The following OVCH1 variants were observed in gnomAD, a reference collection of about 807,000 sequenced individuals.
OVCH1 encodes the protein ovochymase-1.
Under a neutral mutation model 138.4 loss-of-function variants are expected in OVCH1, and 139 were observed. The ratio of observed to expected loss-of-function variants is 1.00; its 90% CI spans 0.87 to 1.16. The LOEUF (loss-of-function observed/expected upper bound fraction) is 1.16, where lower values mean the gene tolerates loss of function less well. Among genes scored for constraint, OVCH1 ranks in the 50% most tolerant of loss-of-function variants. The pLI, the probability that OVCH1 is intolerant of heterozygous loss-of-function variation, is 0.00. For synonymous variants in OVCH1, 453 were observed against 467.8 expected (o/e 0.97, Z 0.41); for missense variants, 1,367 against 1,357.9 (o/e 1.01, Z -0.11).
chr12:29,494,395 C>T (rs533748771), intron 4 of OVCH1, among the ~76,000 whole-genome samples: 2 of 152,148 alleles, frequency 1.3e-5, no homozygotes, highest in African/African-American at 4.8e-5. Flanking sequence ...TTTATATTAC[C>T]TGTGTTGAGA....
At chr12:29,478,170 G>A (rs950947148) in intron 9 of OVCH1, among the ~76,000 whole-genome samples, 4 of 152,148 alleles carry the variant, frequency 2.6e-5, no homozygotes, top group Non-Finnish European at 4.4e-5. Context: ...TATTGGTTAT[G>A]TTTATGTAGC....
At position 29,482,507 on chromosome 12, in the gene OVCH1, T is replaced by G. The variant is rs190954327; in HGVS notation, c.996-3599A>C. Among the ~76,000 whole-genome samples, 30 of 152,332 alleles carry G rather than the reference T, an allele frequency of 2.0e-4. No homozygotes were observed. In the East Asian group the frequency reaches 5.6e-3, roughly 28 times the overall value. On this transcript the variant is annotated intron_variant, in intron 8 of 27. Transcript: ENST00000318184. ...TTTAAAAATTATCCCATTTCCACCT[T>G]CTAACTTGCCCCACAAAGGCAAACA...
chr12:29,455,396 C>T, exon 20 of OVCH1: 6 of 1,603,600 alleles, frequency 3.7e-6, no homozygotes, highest in Non-Finnish European at 5.1e-6. Context: ...AGTGGCCCAC[C>T]AGAGTCTCCC....
downstream of OVCH1, among the ~76,000 whole-genome samples, chr12:29,411,789 C>G (rs543866503): frequency 5.3e-5 from 3 of 56,480 alleles, no homozygotes; most frequent in South Asian, 1.6e-3. Context: ...TCTGCCTGTT[C>G]TCAGATATCC....
downstream of OVCH1, among the ~76,000 whole-genome samples, chr12:29,424,123 A>G (rs1457498219): frequency 1.3e-5 from 2 of 152,232 alleles, no homozygotes; most frequent in African/African-American, 4.8e-5. Flanking sequence ...GTATTTATTA[A>G]CAGCAAGCCA....
At chr12:29,434,075 A>G (rs1179724794) in intron 26 of OVCH1, among the ~76,000 whole-genome samples, 1 of 152,190 alleles carries the variant, frequency 6.6e-6, no homozygotes, top group African/African-American at 2.4e-5. Flanking sequence ...TCATAATGCT[A>G]TTAGTGCCTT....
chr12:29,472,579 A>G (rs1053903542), intron 15 of OVCH1, among the ~76,000 whole-genome samples: 1 of 152,226 alleles, frequency 6.6e-6, no homozygotes, highest in Non-Finnish European at 1.5e-5. Flanking sequence ...CTCCTTGTGC[A>G]ACTTTCTATT....
Position 29,497,507 on chromosome 12 carries a change from A to T in OVCH1, c.64+116T>A, listed in dbSNP as rs1943451587. 2.5e-6 allele frequency: 3 copies of T among 1,186,920 alleles called. No individual in the cohort carries two copies. In the South Asian group the frequency reaches 4.6e-5, roughly 18 times the overall value. 73.5% of individuals were successfully genotyped at this position (1,186,920 alleles called of 1,614,324 possible). A position where few individuals can be genotyped will look rare whatever the true frequency, so the allele number is the denominator to read the frequency against. On this transcript the variant is annotated intron_variant, in intron 1 of 27. Transcript: ENST00000318184. ...CCACCCCCTCACCCTTTCTTCCCAA[A>T]TGCCTCAGGTGTGGCTATACCACCC...
intron 17 of OVCH1, 31 bp downstream of exon 17, chr12:29,465,116 G>A: frequency 1.3e-6 from 2 of 1,549,420 alleles, no homozygotes; most frequent in Admixed American, 1.9e-5. Context: ...TTAGATTACA[G>A]GCAGAATGAC....
At chr12:29,487,374 G>A (rs1009812528) in intron 7 of OVCH1, 8 of 213,424 alleles carry the variant, frequency 3.7e-5, no homozygotes, top group African/African-American at 1.6e-4. Context: ...GTATTCTTAA[G>A]TAGTACAGAG....
At chr12:29,481,420 T>A in intron 8 of OVCH1, among the ~76,000 whole-genome samples, 1 of 152,260 alleles carries the variant, frequency 6.6e-6, no homozygotes, top group Non-Finnish European at 1.5e-5. Flanking sequence ...CTTATTAATC[T>A]CTGGTTGACT....
chr12:29,431,497 C>T (rs574707401), intron 27 of OVCH1, among the ~76,000 whole-genome samples: 1 of 152,218 alleles, frequency 6.6e-6, no homozygotes, highest in East Asian at 1.9e-4. Context: ...TAATGTAAAT[C>T]TTGCAAAGTC....
intron 8 of OVCH1, among the ~76,000 whole-genome samples, 186 bp downstream of exon 9, chr12:29,484,527 C>T (rs1029978503): frequency 6.6e-6 from 1 of 152,062 alleles, no homozygotes; most frequent in African/African-American, 2.4e-5. Flanking sequence ...TGGTGGCATG[C>T]CCGTGTAATC....
downstream of OVCH1, among the ~76,000 whole-genome samples, chr12:29,424,685 C>T (rs1406640623): frequency 1.3e-5 from 2 of 152,118 alleles, no homozygotes; most frequent in African/African-American, 4.8e-5. Flanking sequence ...CTCTCTGTGC[C>T]TCGATAATCT....
At chr12:29,433,874 G>T in intron 26 of OVCH1, 5 of 1,252,378 alleles carry the variant, frequency 4.0e-6, no homozygotes, top group Non-Finnish European at 5.2e-6. Flanking sequence ...CAATTAACAT[G>T]TCCAAAAAAA....
intron 12 of OVCH1, 62 bp from the exon 13 acceptor site, chr12:29,476,361 GT>G: frequency 7.5e-7 from 1 of 1,327,922 alleles, no homozygotes; most frequent in South Asian, 1.2e-5. Context: ...AGCTTAAAGG[GT>G]TTTCCTCTGT....
intron 27 of OVCH1, among the ~76,000 whole-genome samples, chr12:29,432,327 G>A (rs1465078817): frequency 2.6e-5 from 4 of 152,192 alleles, no homozygotes; most frequent in Non-Finnish European, 5.9e-5. Flanking sequence ...TATTATGGTG[G>A]AATTGTTCAG....
At chr12:29,404,864 T>C in the OVCH1 span, among the ~76,000 whole-genome samples, 3 of 151,182 alleles carry the variant, frequency 2.0e-5, no homozygotes, top group East Asian at 5.8e-4. Flanking sequence ...CTACTAAAAA[T>C]GCAAAAAATT....
At chr12:29,482,098 C>T (rs978553987) in intron 8 of OVCH1, among the ~76,000 whole-genome samples, 1 of 152,206 alleles carries the variant, frequency 6.6e-6, no homozygotes, top group Non-Finnish European at 1.5e-5. Context: ...TGATCTTCCT[C>T]ATTCAAAATC....
Sources: allele counts gnomAD v4.1 joint callset (sites outside exome capture counted in the v4.1 genomes callset), GRCh38; gene constraint gnomAD v4.1.1; transcripts MANE v1.5; gene names NCBI Gene and HGNC (gene_info 2026-07-23, HGNC 2026-07-21).